IL13RA1: variants seen among roughly 807,000 people sequenced by gnomAD.
The protein encoded by IL13RA1 is interleukin-13 receptor subunit alpha-1.
IL13RA1 carries 14 observed loss-of-function variants against 33.8 expected under a neutral mutation model. The ratio of observed to expected loss-of-function variants is 0.41; its 90% CI spans 0.27 to 0.65. IL13RA1 has a LOEUF of 0.65. Among genes scored for constraint, IL13RA1 ranks in the 30% least tolerant of loss-of-function variants. IL13RA1 has a pLI of 0.28. For missense variants in IL13RA1, 313 were observed against 327.0 expected (o/e 0.96, Z 0.33); for synonymous variants, 116 against 115.7 (o/e 1.00, Z -0.02).
Position 118,747,111 on chromosome X carries a change from A to G in IL13RA1, c.367+19A>G, listed in dbSNP as rs1438956462. ...CCAGAAGGTAACAACTGAAAGCGCT[A>G]TCTCTTGGTGTTTAGAGAATAAATC... is the stretch of plus-strand genomic sequence containing the variant. On this transcript the variant is annotated intron_variant, in intron 3 of 10. Coordinates refer to ENST00000371666, the MANE Select transcript of IL13RA1 (RefSeq NM_001560.3). The G allele has an allele frequency of 7.6e-6, 8 of 1,057,452 alleles. No individual in the cohort carries two copies. The highest frequency in any genetic ancestry group is 2.3e-5 in the Admixed American group (1 of 43,512). 87.1% of individuals were successfully genotyped at this position (1,057,452 alleles called of 1,213,427 possible).
chrX:118,762,070 G>A (rs2017596506), intron 6 of IL13RA1, among the ~76,000 whole-genome samples: 1 of 112,495 alleles, frequency 8.9e-6, no homozygotes. Flanking sequence ...GTTGGATTAT[G>A]TGCCTGTATG....
intron 1 of IL13RA1, among the ~76,000 whole-genome samples, chrX:118,740,427 G>A (rs778311761): frequency 4.5e-5 from 5 of 112,353 alleles, no homozygotes; most frequent in Non-Finnish European, 9.4e-5. Context: ...CAGCTCTGCC[G>A]TTTACTGTAG....
At chrX:118,752,473 T>A (rs941751356) in intron 4 of IL13RA1, among the ~76,000 whole-genome samples, 1 of 112,468 alleles carries the variant, frequency 8.9e-6, no homozygotes, top group African/African-American at 3.2e-5. Context: ...TTTGTCTTTA[T>A]CCTTATTTCA....
downstream of IL13RA1, among the ~76,000 whole-genome samples, chrX:118,799,363 GGCAGCTCCACCTGCA>G (rs2018051844): frequency 8.8e-6 from 1 of 113,337 alleles, no homozygotes. Context: ...AGGACTGGCA[GGCAGCTCCACCTGCA>G]GCCCCTGTGC....
intron 6 of IL13RA1, among the ~76,000 whole-genome samples, chrX:118,765,865 T>G (rs1240759459): frequency 8.9e-6 from 1 of 112,556 alleles, no homozygotes; most frequent in East Asian, 2.8e-4. Context: ...ATTTTTCTCA[T>G]GACCAGTGAT....
intron 2 of IL13RA1, among the ~76,000 whole-genome samples, chrX:118,743,156 A>G (rs1323070332): frequency 9.0e-6 from 1 of 111,459 alleles, no homozygotes; most frequent in Non-Finnish European, 1.9e-5. Context: ...GACCTTTTTC[A>G]AGTTTATCAT....
chrX:118,762,378 C>A (rs962334850), intron 6 of IL13RA1, among the ~76,000 whole-genome samples: 3 of 112,224 alleles, frequency 2.7e-5, no homozygotes, highest in Middle Eastern at 4.2e-3. Flanking sequence ...CTGCCTGGAC[C>A]CTTTGTGTGT....
intron 3 of IL13RA1, 138 bp downstream of exon 3, chrX:118,747,230 C>A: frequency 2.6e-6 from 1 of 385,497 alleles, no homozygotes; most frequent in Non-Finnish European, 4.5e-6. Flanking sequence ...GTACTAGGTG[C>A]TAGCAGCTCA....
intron 9 of IL13RA1, among the ~76,000 whole-genome samples, chrX:118,774,218 C>G (rs776083471): frequency 1.9e-5 from 2 of 103,176 alleles, no homozygotes; most frequent in Non-Finnish European, 3.9e-5. Flanking sequence ...GGTGTGATCT[C>G]GGCTCACTGC....
rs1305105866 is a variant in IL13RA1, at chrX:118,778,640, G to A, written c.1191+2129G>A. ...TAAGAGAGTCTGTGGACCACACTTT[G>A]AAAATCAGTGATAAAGATATTTACC... On this transcript the variant is annotated intron_variant, in intron 10 of 10. Coordinates refer to ENST00000371666, the MANE Select transcript of IL13RA1 (RefSeq NM_001560.3). Among the ~76,000 whole-genome samples the A allele has an allele frequency of 2.7e-5, 3 of 111,537 alleles. No homozygotes were observed. The East Asian group carries it at 8.5e-4, about 31-fold the overall frequency.
In IL13RA1 at chrX:118,747,369, TCA is replaced by T. The variant is rs927667124; in HGVS notation, c.367+291_367+292del. ...CATGCACGCGCGCGCACACACACACTCACACACACACACACGCACACCCCTCC... is the reference window on the plus strand; with the variant it reads ...CATGCACGCGCGCGCACACACACACTCACACACACACACGCACACCCCTCC... On this transcript the variant is annotated intron_variant, in intron 3 of 10. Transcript: ENST00000371666. 1.1e-4 allele frequency among the ~76,000 whole-genome samples: 12 copies of T among 107,576 alleles called. No individual in the cohort carries two copies. The East Asian group carries it at 1.4e-3, about 13-fold the overall frequency. 93.4% of individuals were successfully genotyped at this position (107,576 alleles called of 115,157 possible).
At chrX:118,795,747 T>C (rs1316750953), downstream of IL13RA1, among the ~76,000 whole-genome samples, 2 of 112,076 alleles carry the variant, frequency 1.8e-5, no homozygotes, top group Non-Finnish European at 3.8e-5. Context: ...CCAGAGGAAT[T>C]TATCATTTCC....
rs1200223891 is a variant in IL13RA1 at position 118,784,090 on chromosome X, A to ATATATATATAT, written c.1191+7579_1191+7580insTATATATATAT. ...AGACTCTGTCGCCAAAAAAAAAAAA[A>ATATATATATAT]ATATATATATATATATATACGTATA... On this transcript the variant is annotated intron_variant, in intron 10 of 10. Transcript: ENST00000371666. Among the ~76,000 whole-genome samples, 133 of 63,897 alleles carry ATATATATATAT rather than the reference A, an allele frequency of 2.1e-3. 3 individuals are homozygous for ATATATATATAT. The highest frequency in any genetic ancestry group is 9.3e-3 in the Middle Eastern group (1 of 107). The allele number at this position is 63,897 out of a possible 115,157, so 55.5% of individuals were successfully genotyped here. A position where few individuals can be genotyped will look rare whatever the true frequency, so the allele number is the denominator to read the frequency against.
At chrX:118,728,470 A>C (rs1239911328) in intron 1 of IL13RA1, among the ~76,000 whole-genome samples, 1 of 111,333 alleles carries the variant, frequency 9.0e-6, no homozygotes, top group Admixed American at 9.5e-5. Flanking sequence ...TATATCCCTC[A>C]CCCTGTTTGG....
At position 118,758,533 on chromosome X, in the gene IL13RA1, G is replaced by T. The variant is rs1242346610; in HGVS notation, c.676+291G>T. 2.7e-5 allele frequency among the ~76,000 whole-genome samples: 3 copies of T among 111,747 alleles called. No individual in the cohort carries two copies. The Admixed American group carries it at 2.8e-4, about 11-fold the overall frequency. The stretch of plus-strand genomic sequence containing the variant: ...ATTGTCTTAGTTCATTTTTTGTTTG[G>T]TATTTTCTGGTATTCTGTTGCTTAT... On this transcript the variant is annotated intron_variant, in intron 5 of 10. Transcript: ENST00000371666.
At chrX:118,802,991 A>T in the IL13RA1 span, among the ~76,000 whole-genome samples, 1 of 111,356 alleles carries the variant, frequency 9.0e-6, no homozygotes, top group Non-Finnish European at 1.9e-5. Flanking sequence ...TACACTTCAA[A>T]CCCTTTCGTT....
At chrX:118,748,027 G>GTGTGTA (rs1319976636) in intron 3 of IL13RA1, among the ~76,000 whole-genome samples, 1 of 103,265 alleles carries the variant, frequency 9.7e-6, no homozygotes, top group African/African-American at 3.5e-5. Context: ...GTGTGTGTGT[G>GTGTGTA]TGTGTGTGTG....
intron 4 of IL13RA1, among the ~76,000 whole-genome samples, chrX:118,757,128 T>C (rs1348240167): frequency 9.0e-6 from 1 of 111,637 alleles, no homozygotes; most frequent in Non-Finnish European, 1.9e-5. Flanking sequence ...ATAGGCATTT[T>C]CAAGAAGCAT....
At chrX:118,730,634 T>A (rs2017206276) in intron 1 of IL13RA1, among the ~76,000 whole-genome samples, 1 of 111,258 alleles carries the variant, frequency 9.0e-6, no homozygotes, top group Admixed American at 9.6e-5. Context: ...AAGCTCTGAG[T>A]CCGGCACAGC....
Sources: allele counts gnomAD v4.1 joint callset (sites outside exome capture counted in the v4.1 genomes callset), GRCh38; gene constraint gnomAD v4.1.1; transcripts MANE v1.5; gene names NCBI Gene and HGNC (gene_info 2026-07-23, HGNC 2026-07-21).